Variants in PLXDC1 observed in about 807,000 individuals in gnomAD.
PLXDC1 encodes plexin domain containing 1.
Under a neutral mutation model 61.3 loss-of-function variants are expected in PLXDC1, and 39 were observed. The ratio of observed to expected loss-of-function variants is 0.64; its 90% confidence interval spans 0.49 to 0.83. PLXDC1 has a LOEUF of 0.83. Ranked by LOEUF, PLXDC1 falls within the 40% of genes least tolerant of loss-of-function variation. PLXDC1 has a pLI of 0.00. For synonymous variants in PLXDC1, 212 were observed against 254.5 expected (o/e 0.83, Z 1.59); for missense variants, 596 against 666.5 (o/e 0.89, Z 1.17).
chr17:39,108,998 C>CA, intron 3 of PLXDC1, 25 bp from the exon 4 acceptor site: 1 of 1,579,898 alleles, frequency 6.3e-7, no homozygotes, highest in Non-Finnish European at 8.7e-7. Flanking sequence ...AGAAAGTCAG[C>CA]ACGGGCCAAG....
intron 2 of PLXDC1, among the ~76,000 whole-genome samples, chr17:39,115,941 C>T (rs2143743430): frequency 6.6e-6 from 1 of 152,000 alleles, no homozygotes; most frequent in East Asian, 1.9e-4. Context: ...CATGGTGAAA[C>T]CCATCTCTAC....
chr17:39,128,802 A>T (rs1911438316), intron 2 of PLXDC1, among the ~76,000 whole-genome samples: 1 of 151,686 alleles, frequency 6.6e-6, no homozygotes, highest in African/African-American at 2.4e-5. Context: ...CGAGGTCAGG[A>T]GATCGAGACC....
chr17:39,095,910 C>CAAA (rs1910176811), intron 7 of PLXDC1, among the ~76,000 whole-genome samples: 1 of 152,160 alleles, frequency 6.6e-6, no homozygotes, highest in African/African-American at 2.4e-5. Flanking sequence ...AACGATCCAC[C>CAAA]CGCCTCGGCC....
At position 39,139,584 on chromosome 17, in the gene PLXDC1, C is replaced by T. The variant is rs532513443; in HGVS notation, c.255+70G>A. On this transcript the variant is annotated intron_variant, in intron 2 of 13. Coordinates refer to ENST00000315392, the MANE Select transcript of PLXDC1 (RefSeq NM_020405.5). Reference sequence around the variant, plus strand: ...ATGTGATTTGCATGTAGGACAAGCACACCTGGGGCAGCTGGTGAGACCTCC... The same window carrying T: ...ATGTGATTTGCATGTAGGACAAGCATACCTGGGGCAGCTGGTGAGACCTCC... The T allele has an allele frequency of 4.1e-5, 58 of 1,417,936 alleles. No homozygotes were observed. The South Asian group carries it at 7.1e-4, about 17-fold the overall frequency. The allele number at this position is 1,417,936 out of a possible 1,614,324, so 87.8% of individuals were successfully genotyped here.
chr17:39,128,092 T>TATATATATATATATATAC (rs1911376941), intron 2 of PLXDC1, among the ~76,000 whole-genome samples: 2 of 72,508 alleles, frequency 2.8e-5, no homozygotes, highest in Non-Finnish European at 5.4e-5. Context: ...TCTCTCTCTC[T>TATATATATATATATATAC]ATGTGTATAT....
At chr17:39,086,878 A>G (rs1008019348) in intron 8 of PLXDC1, among the ~76,000 whole-genome samples, 3 of 150,858 alleles carry the variant, frequency 2.0e-5, no homozygotes, top group South Asian at 2.1e-4. Context: ...AAAAAAAAAA[A>G]AAGAAGAAGA....
At chr17:39,092,729 T>TA (rs71141757) in intron 7 of PLXDC1, among the ~76,000 whole-genome samples, 1 of 151,852 alleles carries the variant, frequency 6.6e-6, no homozygotes, top group African/African-American at 2.4e-5. Flanking sequence ...GCTAGACTTT[T>TA]AAAAAACCTC....
At chr17:39,151,655 G>C (rs900090829), upstream of PLXDC1, 12 of 701,700 alleles carry the variant, frequency 1.7e-5, no homozygotes, top group South Asian at 2.6e-4. The surrounding 1 kb of genome is among the most constrained non-coding windows in gnomAD (Gnocchi z 5.2). Context: ...GAGCTGGGGG[G>C]GCCGCTGGGT....
intron 3 of PLXDC1, 70 bp downstream of exon 3, chr17:39,109,178 G>C (rs1163766406): frequency 6.5e-7 from 1 of 1,540,078 alleles, no homozygotes; most frequent in Non-Finnish European, 8.8e-7. Context: ...CATGCCCACT[G>C]ACCAGGCAGG....
chr17:39,107,960 T>C, intron 5 of PLXDC1, 163 bp downstream of exon 5: 1 of 792,360 alleles, frequency 1.3e-6, no homozygotes, highest in Non-Finnish European at 2.1e-6. Flanking sequence ...GCAGGCATTT[T>C]TGCCCCTATC....
intron 1 of PLXDC1, among the ~76,000 whole-genome samples, chr17:39,141,777 G>A (rs1021487755): frequency 6.6e-5 from 10 of 152,148 alleles, no homozygotes; most frequent in Admixed American, 1.3e-4. Context: ...CCCACCAACC[G>A]TGCACATGGG....
intron 2 of PLXDC1, among the ~76,000 whole-genome samples, chr17:39,120,327 T>C (rs1238986859): frequency 1.3e-5 from 2 of 151,952 alleles, no homozygotes; most frequent in African/African-American, 4.8e-5. Context: ...AAATTTTGTA[T>C]TTTTAGTAGA....
chr17:39,095,309 G>T (rs982381537), intron 7 of PLXDC1, among the ~76,000 whole-genome samples: 1 of 144,440 alleles, frequency 6.9e-6, no homozygotes, highest in African/African-American at 2.6e-5. Context: ...GCTTGTACTT[G>T]TTCGAGTGTG....
At chr17:39,128,090 T>TATGTATATATATATATATATA (rs1567769465) in intron 2 of PLXDC1, among the ~76,000 whole-genome samples, 4 of 78,876 alleles carry the variant, frequency 5.1e-5, no homozygotes, top group South Asian at 4.4e-4. Context: ...TCTCTCTCTC[T>TATGTATATATATATATATATA]CTATGTGTAT....
chr17:39,074,966 TTTTC>T (rs1909269044), intron 11 of PLXDC1, among the ~76,000 whole-genome samples: 1 of 152,152 alleles, frequency 6.6e-6, no homozygotes, highest in Admixed American at 6.5e-5. Flanking sequence ...CTTTCTTTCC[TTTTC>T]TTTTTTTGAG....
At chr17:39,147,238 G>C (rs1025040085) in intron 1 of PLXDC1, among the ~76,000 whole-genome samples, 1 of 152,056 alleles carries the variant, frequency 6.6e-6, no homozygotes, top group African/African-American at 2.4e-5. Context: ...TTACAGGCGC[G>C]GGCCACCGCG....
intron 2 of PLXDC1, among the ~76,000 whole-genome samples, chr17:39,118,113 T>TTCCTTCCTTCCTTC (rs1405097187): frequency 2.1e-5 from 2 of 97,150 alleles, no homozygotes; most frequent in African/African-American, 7.7e-5. Flanking sequence ...TTCCTTCCTC[T>TTCCTTCCTTCCTTC]CTCTCTCTCA....
chr17:39,137,856 C>T (rs972328306), intron 2 of PLXDC1, among the ~76,000 whole-genome samples: 9 of 149,780 alleles, frequency 6.0e-5, no homozygotes, highest in African/African-American at 1.2e-4. Flanking sequence ...AGTGGCTGGG[C>T]GGGATTGGAG....
intron 2 of PLXDC1, among the ~76,000 whole-genome samples, chr17:39,114,400 T>C (rs1298159263): frequency 6.6e-6 from 1 of 152,210 alleles, no homozygotes; most frequent in Non-Finnish European, 1.5e-5. Flanking sequence ...CAGCCTCAGC[T>C]CAGGAGTCAC....
Sources: allele counts gnomAD v4.1 joint callset (sites outside exome capture counted in the v4.1 genomes callset), GRCh38; gene constraint gnomAD v4.1.1; non-coding constraint Gnocchi (gnomAD v3.1); transcripts MANE v1.5; gene names NCBI Gene and HGNC (gene_info 2026-07-23, HGNC 2026-07-21).